The following TEDC1 variants were observed in gnomAD, a reference collection of about 807,000 sequenced individuals.
The protein encoded by TEDC1 is tubulin epsilon and delta complex 1.
A neutral mutation model predicts 59.9 loss-of-function variants in TEDC1; 54 were observed. The observed-to-expected ratio is 0.90, with a 90% CI of 0.72 to 1.13. TEDC1 has a LOEUF of 1.13. TEDC1 is among the 50% of genes most tolerant of loss of function. TEDC1 has a pLI of 0.00. For missense variants in TEDC1, 734 were observed against 683.4 expected (o/e 1.07, Z -0.83); for synonymous variants, 353 against 298.1 (o/e 1.18, Z -1.90).
chr14:105,498,025 G>T, intron 8 of TEDC1, 48 bp downstream of exon 8: 3 of 1,458,786 alleles, frequency 2.1e-6, no homozygotes, highest in African/African-American at 1.4e-5. Flanking sequence ...CACCTTCGGG[G>T]GATGGCTGAC....
chr14:105,496,033 C>A lies in TEDC1; in HGVS notation c.838C>A (p.Pro280Thr). The A allele has an allele frequency of 2.6e-6, 4 of 1,548,210 alleles. No individual in the cohort carries two copies. The highest frequency in any genetic ancestry group is 3.5e-6 in the Non-Finnish European group (4 of 1,145,810). The change falls in exon 6 of 9, where the codon CCC becomes ACC. Residue 280 changes from proline (P) to threonine (T), a missense_variant. Pro to Thr is a conservative substitution (Grantham distance 38, BLOSUM62 -1). Coordinates refer to ENST00000392523, the MANE Select transcript of TEDC1 (RefSeq NM_001367178.1). ...TCTGCTGCCGGGTGACTGGGCAGCA[C>A]CCTTGGATCCTGGTGGGGCCTCAGC... is the stretch of plus-strand genomic sequence containing the variant. ...PGLLPGDWAA[P>T]LDPGGASACS...
chr14:105,496,912 C>T (rs1323228568), intron 6 of TEDC1: 3 of 221,688 alleles, frequency 1.4e-5, no homozygotes, highest in African/African-American at 2.4e-5. Flanking sequence ...TGGCTTGCTC[C>T]TTCGTTTGGG....
At chr14:105,497,300 C>T in intron 6 of TEDC1, 57 bp from the exon 7 acceptor site, 3 of 1,500,380 alleles carry the variant, frequency 2.0e-6, no homozygotes, top group Non-Finnish European at 2.7e-6. Context: ...GTCCATCCGA[C>T]TGTCTGTCCA....
In TEDC1 at chr14:105,498,732, C is replaced by T. The variant is rs782549197; in HGVS notation, c.1274C>T (p.Ala425Val). 4 of 1,556,510 alleles carry T rather than the reference C, an allele frequency of 2.6e-6. No individual in the cohort carries two copies. Among genetic ancestry groups the T allele is most frequent in the East Asian group, 4.8e-5 (2 of 41,614 alleles). ...TGCTGGGAGCGAGACGGTGGCCCGG[C>T]CCAGCCCCATGGGCCACACCGGCTG... Reference protein sequence around the residue: ...QQCWERDGGPAQPHGPHRLVR... With the variant: ...QQCWERDGGPVQPHGPHRLVR... The change falls in exon 9 of 9, where the codon GCC becomes GTC. Residue 425 changes from alanine (A) to valine (V), a missense_variant. By Grantham distance (64) the Ala-to-Val change is moderately conservative. Coordinates refer to ENST00000392523, the MANE Select transcript of TEDC1 (RefSeq NM_001367178.1).
chr14:105,491,124 T>A (rs1555439144), upstream of TEDC1: 1 of 1,550,948 alleles, frequency 6.4e-7, no homozygotes, highest in Non-Finnish European at 8.7e-7. Flanking sequence ...GCGCGGTGAT[T>A]GGGTACAGGT....
chr14:105,491,831 T>G (rs1378198330), intron 2 of TEDC1, 131 bp downstream of exon 2: 1 of 1,129,866 alleles, frequency 8.9e-7, no homozygotes, highest in South Asian at 1.4e-5. Context: ...CGCTTGCTCC[T>G]CAAAACTCCG....
At position 105,495,938 on chromosome 14, in the gene TEDC1, CCTT is replaced by C. The variant is rs368673553; in HGVS notation, c.746_748del (p.Phe249del). On this transcript the variant is annotated inframe_deletion, in exon 6 of 9. Transcript: ENST00000392523. ...CTGGCCTACCCAAAGTGCCTGCACT[CCTT>C]CTGCACTCCTGGGATGGGTCCCAGA... 2.0e-4 allele frequency: 317 copies of C among 1,550,380 alleles called. 5 individuals carry two copies. The South Asian group carries it at 2.3e-3, about 11-fold the overall frequency.
rs782457605 is a variant in TEDC1 at position 105,492,675 on chromosome 14, C to T, written c.526C>T (p.Arg176Trp). The change falls in exon 4 of 9, where the codon CGG (arginine) becomes TGG (tryptophan). Residue 176 changes from arginine (R) to tryptophan (W), a missense_variant. Transcript: ENST00000392523. ...RHVQWLMGKL[R>W]FRWRQLVSSQ... The stretch of plus-strand genomic sequence containing the variant: ...TGTGCAGTGGCTGATGGGAAAGCTG[C>T]GGTTCCGGTGGCGCCAGCTGGTGTC... The T allele has an allele frequency of 6.9e-5, 107 of 1,544,794 alleles. No individual in the cohort carries two copies. The highest frequency in any genetic ancestry group is 1.1e-4 in the African/African-American group (8 of 73,050).
rs1555439337 is a variant in TEDC1, at chr14:105,491,642, C to T, written c.168C>T (p.Leu56=). 6.5e-7 allele frequency: 1 copy of T among 1,549,768 alleles called. No homozygotes were observed. Among genetic ancestry groups the T allele is most frequent in the South Asian group, 1.2e-5 (1 of 84,060 alleles). ...RPEATSALWQ[L]LFRVLSPLPA... is the part of the protein sequence containing the mutation. ...CGCAGACCTCCGCGCTCTGGCAGCT[C>T]CTCTTCCGTGTGCTCTCGCCACTCC... is the stretch of plus-strand genomic sequence containing the variant. The change falls in exon 2 of 9, where the codon CTC becomes CTT. Residue 56 remains leucine (L), a synonymous_variant. Coordinates refer to ENST00000392523, the MANE Select transcript of TEDC1 (RefSeq NM_001367178.1).
intron 6 of TEDC1, chr14:105,497,043 C>T: frequency 2.2e-6 from 1 of 464,598 alleles, no homozygotes; most frequent in Non-Finnish European, 3.8e-6. Flanking sequence ...GGCAGTGGGG[C>T]TGGTGTGGGG....
rs587674031 is a variant in TEDC1, at chr14:105,495,994, T to G, written c.799T>G (p.Cys267Gly). The G allele has an allele frequency of 3.0e-4, 471 of 1,550,242 alleles. No homozygotes were observed. In the African/African-American group the frequency reaches 5.8e-3, roughly 19 times the overall value. Residue 267 changes from cysteine (C) to glycine (G), a missense_variant, in exon 6 of 9, where the codon TGT becomes GGT. Transcript: ENST00000392523. ...CTTCTGGAATGATCTGTGGCTGGTATGTGAGCAGCCAGGTCTGCTGCCGGG... is the reference window on the plus strand; with the variant it reads ...CTTCTGGAATGATCTGTGGCTGGTAGGTGAGCAGCCAGGTCTGCTGCCGGG... ...RTFWNDLWLV[C>G]EQPGLLPGDW...
intron 6 of TEDC1, 181 bp downstream of exon 6, chr14:105,496,267 G>A (rs2084343949): frequency 3.1e-6 from 2 of 652,482 alleles, no homozygotes; most frequent in Non-Finnish European, 5.2e-6. Context: ...TACCCATGGT[G>A]GAGGCCTTTG....
intron 3 of TEDC1, 103 bp from the exon 4 acceptor site, chr14:105,492,476 G>A: frequency 6.8e-7 from 1 of 1,467,874 alleles, no homozygotes; most frequent in Admixed American, 2.2e-5. Flanking sequence ...TGTGCAGGGA[G>A]CACCCGTTGT....
chr14:105,492,523 C>T (rs1297533408), intron 3 of TEDC1, 56 bp from the exon 4 acceptor site: 9 of 1,511,568 alleles, frequency 6.0e-6, no homozygotes, highest in South Asian at 3.7e-5. Flanking sequence ...CCATCCTGGC[C>T]TTTTCTGGGG....
chr14:105,493,789 G>T, intron 4 of TEDC1, 46 bp from the exon 5 acceptor site: 1 of 1,392,448 alleles, frequency 7.2e-7, no homozygotes, highest in East Asian at 2.3e-5. Flanking sequence ...CGTTGGGGGA[G>T]GTGCTTGACT....
Position 105,495,908 on chromosome 14 carries a change from T to A in TEDC1, c.713T>A (p.Leu238Gln), listed in dbSNP as rs782704996. 1.9e-4 allele frequency: 291 copies of A among 1,550,270 alleles called. 4 individuals carry two copies. In the South Asian group the frequency reaches 3.3e-3, roughly 18 times the overall value. ...QVSGAGAAQN[L>Q]DLAYPKCLHS... The stretch of plus-strand genomic sequence containing the variant: ...TCTGGAGCGGGAGCTGCCCAAAACC[T>A]GGACCTGGCCTACCCAAAGTGCCTG... Residue 238 changes from leucine to glutamine, a missense_variant, in exon 6 of 9, where the codon CTG becomes CAG. Physicochemically the swap from Leu to Gln is moderately radical, Grantham distance 113. Coordinates refer to ENST00000392523, the MANE Select transcript of TEDC1 (RefSeq NM_001367178.1).
chr14:105,493,295 C>A (rs868957918), intron 4 of TEDC1, among the ~76,000 whole-genome samples: 2 of 152,128 alleles, frequency 1.3e-5, no homozygotes, highest in African/African-American at 4.8e-5. Context: ...CCCATCCCAC[C>A]CTTGCAGAGG....
At position 105,492,279 on chromosome 14, in the gene TEDC1, G is replaced by A; in HGVS notation, c.399G>A (p.Val133=). The A allele has an allele frequency of 6.2e-7, 1 of 1,607,230 alleles. No homozygotes were observed. The part of the protein sequence containing the change: ...VPEQMLAQAR[V]PLGDEMTVCQ... ...AGCAGATGCTGGCCCAGGCCCGAGT[G>A]CCTCTGGGTGACGAGATGACTGTGT... Residue 133 remains valine (V), a synonymous_variant, in exon 3 of 9, where the codon GTG becomes GTA. Coordinates refer to ENST00000392523, the MANE Select transcript of TEDC1 (RefSeq NM_001367178.1).
At chr14:105,496,139 T>TGTTGTGGGGGGGGGGGGGG in intron 6 of TEDC1, 53 bp downstream of exon 6, 1 of 32,264 alleles carries the variant, frequency 3.1e-5, no homozygotes, top group Non-Finnish European at 5.1e-5. Flanking sequence ...TGGGGGTGGG[T>TGTTGTGGGGGGGGGGGGGG]GGGAGGGGGT....
Sources: gnomAD v4.1 joint callset for allele counts (sites outside exome capture counted in the v4.1 genomes callset) on GRCh38, gnomAD v4.1.1 for gene constraint, MANE v1.5 for transcripts, NCBI Gene and HGNC (gene_info 2026-07-23, HGNC 2026-07-21) for gene names.